The following GARIN1A variants were observed in gnomAD, a reference collection of about 807,000 sequenced individuals.
The protein encoded by GARIN1A is golgi associated RAB2 interactor 1A.
chr7:128,680,076 G>A, the GARIN1A span: 33 of 1,582,916 alleles, frequency 2.1e-5, 1 homozygote, highest in East Asian at 6.2e-4. Flanking sequence ...CGAGCCCCTC[G>A]TGCTGCTGGC....
chr7:128,704,503 C>T, the GARIN1A span, among the ~76,000 whole-genome samples: 3 of 152,082 alleles, frequency 2.0e-5, no homozygotes, highest in Non-Finnish European at 4.4e-5. Context: ...CGGGGTTTCA[C>T]CATGTTGGCC....
chr7:128,681,901 T>G, the GARIN1A span, among the ~76,000 whole-genome samples: 2 of 49,018 alleles, frequency 4.1e-5, no homozygotes, highest in Non-Finnish European at 4.2e-5. Flanking sequence ...ACAACCCCCC[T>G]GGCCATGGCT....
At chr7:128,706,538 T>C in the GARIN1A span, among the ~76,000 whole-genome samples, 1 of 152,168 alleles carries the variant, frequency 6.6e-6, no homozygotes, top group East Asian at 1.9e-4. Context: ...CATTTTGATA[T>C]CTCCAGTTTC....
chr7:128,698,138 T>C, the GARIN1A span, among the ~76,000 whole-genome samples: 1 of 152,214 alleles, frequency 6.6e-6, no homozygotes, highest in Admixed American at 6.5e-5. Context: ...TATTTCAGGC[T>C]GGTGAAACGG....
At chr7:128,704,107 A>G in the GARIN1A span, among the ~76,000 whole-genome samples, 5 of 151,964 alleles carry the variant, frequency 3.3e-5, no homozygotes, top group Non-Finnish European at 7.4e-5. Flanking sequence ...TTGGGAAACT[A>G]TACTGATTGG....
At chr7:128,683,052 A>G in the GARIN1A span, 37 of 1,611,620 alleles carry the variant, frequency 2.3e-5, no homozygotes, top group East Asian at 1.3e-4. Context: ...GAATATACCC[A>G]TGAGAGCTGC....
At chr7:128,683,628 T>G in the GARIN1A span, 1 of 152,016 alleles carries the variant, frequency 6.6e-6, no homozygotes, top group African/African-American at 2.4e-5. Context: ...ACACTACACC[T>G]GGCTAAGTTT....
the GARIN1A span, among the ~76,000 whole-genome samples, chr7:128,708,116 G>A: frequency 2.2e-4 from 34 of 151,576 alleles, no homozygotes; most frequent in African/African-American, 7.5e-4. Context: ...AGGCTCAAGC[G>A]ATCCTTTTGC....
the GARIN1A span, among the ~76,000 whole-genome samples, chr7:128,692,465 A>G: frequency 1.3e-5 from 2 of 152,210 alleles, no homozygotes; most frequent in African/African-American, 4.8e-5. Context: ...GAAATTTCTA[A>G]TGGCCAATAC....
chr7:128,676,613 GA>G, the GARIN1A span, among the ~76,000 whole-genome samples: 1 of 151,936 alleles, frequency 6.6e-6, no homozygotes. Flanking sequence ...AATATAGATA[GA>G]GGGGGTTTCC....
chr7:128,697,264 A>G, the GARIN1A span, among the ~76,000 whole-genome samples: 1 of 152,218 alleles, frequency 6.6e-6, no homozygotes, highest in Non-Finnish European at 1.5e-5. Context: ...AGGTCTCCCC[A>G]GATCAAGCCA....
At chr7:128,675,740 C>T in the GARIN1A span, 1 of 1,613,716 alleles carries the variant, frequency 6.2e-7, no homozygotes, top group African/African-American at 1.3e-5. Context: ...TCGGGGTCAC[C>T]TCCTCGGTGC....
the GARIN1A span, among the ~76,000 whole-genome samples, chr7:128,707,392 C>A: frequency 6.6e-6 from 1 of 152,154 alleles, no homozygotes; most frequent in Non-Finnish European, 1.5e-5. Flanking sequence ...ACTCTTTGAC[C>A]ATCATCTCCT....
the GARIN1A span, chr7:128,697,765 C>G: frequency 6.3e-6 from 1 of 158,072 alleles, no homozygotes; most frequent in African/African-American, 2.4e-5. Flanking sequence ...ATTTAGGACC[C>G]CACCGGCTTG....
the GARIN1A span, among the ~76,000 whole-genome samples, chr7:128,697,083 T>C: frequency 6.6e-6 from 1 of 152,174 alleles, no homozygotes; most frequent in African/African-American, 2.4e-5. Context: ...CATTACAAAG[T>C]TGCTCCTAGG....
chr7:128,691,219 A>G, the GARIN1A span: 2 of 152,152 alleles, frequency 1.3e-5, no homozygotes, highest in African/African-American at 4.8e-5. Context: ...CTTCCCTTCC[A>G]TGGCTGGAAG....
At chr7:128,683,452 T>TTTTATTTATTTATTTATTTATTTA in the GARIN1A span, 12 of 154,332 alleles carry the variant, frequency 7.8e-5, no homozygotes, top group African/African-American at 2.3e-4. Flanking sequence ...GACTGGGTAA[T>TTTTATTTATTTATTTATTTATTTA]TTTATTTATT....
the GARIN1A span, among the ~76,000 whole-genome samples, chr7:128,701,319 TAGGGGAGGGGGAGGGG>T: frequency 1.7e-4 from 16 of 93,962 alleles, no homozygotes; most frequent in African/African-American, 4.5e-4. Context: ...GGTACATCTA[TAGGGGAGGGGGAGGGG>T]AGGGGAGGGG....
the GARIN1A span, among the ~76,000 whole-genome samples, chr7:128,695,963 G>C: frequency 1.6e-4 from 24 of 149,136 alleles, no homozygotes; most frequent in African/African-American, 5.9e-4. This position sits in a 1 kb window ranked among gnomAD's most constrained non-coding sequence, Gnocchi z 4.5. Flanking sequence ...GTAGATGCTT[G>C]TGTGGAATTT....
Sources: allele counts gnomAD v4.1 joint callset (sites outside exome capture counted in the v4.1 genomes callset), GRCh38; gene constraint gnomAD v4.1.1; non-coding constraint Gnocchi (gnomAD v3.1); transcripts MANE v1.5; gene names NCBI Gene and HGNC (gene_info 2026-07-23, HGNC 2026-07-21).